Variants in ANGPT1 observed in about 807,000 individuals in gnomAD.
ANGPT1 encodes the protein angiopoietin 1.
ANGPT1 carries 17 observed loss-of-function variants against 62.2 expected under a neutral mutation model. The ratio of observed to expected loss-of-function variants is 0.27; its 90% CI spans 0.19 to 0.41. The LOEUF (loss-of-function observed/expected upper bound fraction) is 0.41, where lower values mean the gene tolerates loss of function less well. Ranked by LOEUF, ANGPT1 falls within the 10% of genes least tolerant of loss-of-function variation. The pLI is 1.00. For synonymous variants in ANGPT1, 199 were observed against 198.9 expected (o/e 1.00, Z 0.00); for missense variants, 478 against 594.9 (o/e 0.80, Z 2.04).
chr8:107,391,837 A>G (rs185523722), intron 1 of ANGPT1, among the ~76,000 whole-genome samples: 41 of 152,326 alleles, frequency 2.7e-4, no homozygotes, highest in African/African-American at 7.5e-4. Context: ...GGCAATTGTA[A>G]CATAGTGGTG....
chr8:107,432,210 A>G (rs1327318591), intron 1 of ANGPT1, among the ~76,000 whole-genome samples: 2 of 152,016 alleles, frequency 1.3e-5, no homozygotes, highest in Non-Finnish European at 2.9e-5. Context: ...CAAAGACATT[A>G]TAGACTAAAA....
At chr8:107,405,139 C>A (rs1439265175) in intron 1 of ANGPT1, among the ~76,000 whole-genome samples, 1 of 151,790 alleles carries the variant, frequency 6.6e-6, no homozygotes, top group Non-Finnish European at 1.5e-5. Context: ...TACAATTATA[C>A]CACATTTAAA....
In ANGPT1 at chr8:107,312,783, C is replaced by T. The variant is rs543952054; in HGVS notation, c.808+9113G>A. 3.3e-5 allele frequency among the ~76,000 whole-genome samples: 5 copies of T among 152,154 alleles called. No individual in the cohort carries two copies. The East Asian group carries it at 9.7e-4, about 29-fold the overall frequency. On this transcript the variant is annotated intron_variant, in intron 4 of 8. Coordinates refer to ENST00000517746, the MANE Select transcript of ANGPT1 (RefSeq NM_001146.5). ...CAGGCAAACTCTAAGGTGTGCCATACTTCTATGTTAAGCAATCTGACAGCA... is the reference window on the plus strand; with the variant it reads ...CAGGCAAACTCTAAGGTGTGCCATATTTCTATGTTAAGCAATCTGACAGCA...
At chr8:107,265,432 C>T (rs142279337) in intron 7 of ANGPT1, among the ~76,000 whole-genome samples, 1 of 152,148 alleles carries the variant, frequency 6.6e-6, no homozygotes, top group Admixed American at 6.5e-5. Flanking sequence ...TTCTGGGCAA[C>T]GTAGTGCTTA....
At chr8:107,329,644 A>T (rs1444549759) in intron 3 of ANGPT1, among the ~76,000 whole-genome samples, 5 of 151,346 alleles carry the variant, frequency 3.3e-5, no homozygotes, top group Non-Finnish European at 7.4e-5. Context: ...AAGTATTTTT[A>T]TTAGTTGTGT....
chr8:107,336,557 C>T (rs1326099163), intron 2 of ANGPT1: 2 of 213,746 alleles, frequency 9.4e-6, no homozygotes, highest in Non-Finnish European at 8.8e-6. Context: ...CCCAGCTACT[C>T]GGGAGGCTGA....
At chr8:107,430,848 A>G (rs1811166892) in intron 1 of ANGPT1, among the ~76,000 whole-genome samples, 2 of 152,250 alleles carry the variant, frequency 1.3e-5, no homozygotes, top group Admixed American at 1.3e-4. Flanking sequence ...CAGCAGCAAT[A>G]TGAAACAGCA....
chr8:107,331,650 A>G (rs1331242285), intron 3 of ANGPT1, among the ~76,000 whole-genome samples: 7 of 152,196 alleles, frequency 4.6e-5, no homozygotes, highest in Admixed American at 2.0e-4. Flanking sequence ...AATAGAAATA[A>G]TAATACATAC....
At chr8:107,484,233 C>T (rs1563643821) in intron 1 of ANGPT1, among the ~76,000 whole-genome samples, 1 of 152,130 alleles carries the variant, frequency 6.6e-6, no homozygotes, top group Non-Finnish European at 1.5e-5. Flanking sequence ...TGCAATCTGC[C>T]TCAAAGTAAA....
intron 2 of ANGPT1, among the ~76,000 whole-genome samples, chr8:107,340,725 T>C (rs1815679062): frequency 6.7e-6 from 1 of 149,008 alleles, no homozygotes. Context: ...AACTCCTGGG[T>C]TCAAGCAATC....
intron 8 of ANGPT1, among the ~76,000 whole-genome samples, chr8:107,255,598 C>T (rs931861158): frequency 1.3e-5 from 2 of 152,110 alleles, no homozygotes; most frequent in African/African-American, 4.8e-5. Context: ...TATTTATATG[C>T]ATTTTCTCAT....
At chr8:107,346,268 T>A (rs1815801746) in intron 2 of ANGPT1, among the ~76,000 whole-genome samples, 1 of 152,112 alleles carries the variant, frequency 6.6e-6, no homozygotes, top group East Asian at 1.9e-4. Context: ...TTCAGAATGG[T>A]AACTGGAATA....
intron 1 of ANGPT1, among the ~76,000 whole-genome samples, chr8:107,361,832 G>A (rs1816173128): frequency 6.6e-6 from 1 of 152,018 alleles, no homozygotes; most frequent in African/African-American, 2.4e-5. Context: ...GCCAAGACAG[G>A]CAGATCACCT....
intron 1 of ANGPT1, among the ~76,000 whole-genome samples, chr8:107,398,180 G>T (rs1816973141): frequency 6.6e-6 from 1 of 152,136 alleles, no homozygotes; most frequent in Admixed American, 6.5e-5. Flanking sequence ...CAAAAGAGTA[G>T]AAACAGTTTT....
intron 3 of ANGPT1, among the ~76,000 whole-genome samples, chr8:107,332,498 G>T (rs1419821293): frequency 6.6e-6 from 1 of 152,192 alleles, no homozygotes; most frequent in African/African-American, 2.4e-5. Flanking sequence ...TTCTGGCCAT[G>T]TAGGGGATAG....
At chr8:107,491,475 T>G (rs546567340) in intron 1 of ANGPT1, among the ~76,000 whole-genome samples, 1 of 152,056 alleles carries the variant, frequency 6.6e-6, no homozygotes, top group East Asian at 1.9e-4. Context: ...CTTAGTAAAG[T>G]GGGGAAGGTG....
At chr8:107,413,030 T>C (rs183903955) in intron 1 of ANGPT1, among the ~76,000 whole-genome samples, 2 of 152,308 alleles carry the variant, frequency 1.3e-5, no homozygotes, top group South Asian at 2.1e-4. Flanking sequence ...GGCCAATATG[T>C]ATTACAAAAC....
At chr8:107,311,270 T>C (rs917735152) in intron 4 of ANGPT1, among the ~76,000 whole-genome samples, 3 of 150,750 alleles carry the variant, frequency 2.0e-5, no homozygotes, top group Admixed American at 2.0e-4. Flanking sequence ...GCTATATACT[T>C]TTCCAGAGGC....
At chr8:107,370,380 GA>G (rs1158120942) in intron 1 of ANGPT1, among the ~76,000 whole-genome samples, 1 of 52,974 alleles carries the variant, frequency 1.9e-5, no homozygotes, top group Non-Finnish European at 4.7e-5. Flanking sequence ...AAGAAAGAAA[GA>G]AAGAAAGAAA....
Sources: allele counts gnomAD v4.1 joint callset (sites outside exome capture counted in the v4.1 genomes callset), GRCh38; gene constraint gnomAD v4.1.1; transcripts MANE v1.5; gene names NCBI Gene and HGNC (gene_info 2026-07-23, HGNC 2026-07-21).